FOXM1: variants seen among roughly 807,000 people sequenced by gnomAD.
FOXM1 encodes the protein forkhead box M1.
In FOXM1, 25 loss-of-function variants were observed where a neutral mutation model predicts 63.6. The observed-to-expected ratio is 0.39, with a 90% CI of 0.29 to 0.55. The LOEUF is 0.55. Ranked by LOEUF, FOXM1 falls within the 20% of genes least tolerant of loss-of-function variation. FOXM1 has a pLI of 0.60. For synonymous variants in FOXM1, 387 were observed against 376.9 expected (o/e 1.03, Z -0.31); for missense variants, 879 against 958.7 (o/e 0.92, Z 1.10).
Position 2,874,016 on chromosome 12 carries a change from G to T in FOXM1, c.463C>A (p.Pro155Thr). The T allele has an allele frequency of 6.2e-7, 1 of 1,614,068 alleles. No homozygotes were observed. Among genetic ancestry groups the T allele is most frequent in the South Asian group, 1.1e-5 (1 of 91,086 alleles). ...TTCTGCTCGCAAAGGGCTCCAGGTG[G>T]TCTAGGAAGATTCACATCCCTAGCT... The part of the protein sequence containing the change: ...PAARDVNLPR[P>T]PGALCEQKRE... The change falls in exon 2 of 9, where the codon CCA becomes ACA. Residue 155 changes from proline to threonine, a missense_variant. Around this residue, in one of 4 missense-constraint regions of FOXM1, gnomAD observed 255 missense variants for 292.4 expected, o/e 0.87. Coordinates refer to ENST00000359843, the MANE Select transcript of FOXM1 (RefSeq NM_021953.4). The surrounding 1 kb of genome is among the most constrained non-coding windows in gnomAD (Gnocchi z 4.3).
chr12:2,875,761 A>ATTTTTTTTT (rs568267379), intron 1 of FOXM1, among the ~76,000 whole-genome samples: 19 of 133,378 alleles, frequency 1.4e-4, no homozygotes, highest in African/African-American at 4.5e-4. Flanking sequence ...ATTTTTTTTA[A>ATTTTTTTTT]TTTTTTTTTT....
intron 8 of FOXM1, chr12:2,861,501 T>C (rs758866459): frequency 2.3e-6 from 1 of 427,556 alleles, no homozygotes; most frequent in Non-Finnish European, 4.0e-6. Context: ...TTGGCAGATA[T>C]TAAACAGACT....
In FOXM1 at chr12:2,859,110, GGCAGCGTTTCCTTAAT is replaced by G; in HGVS notation, c.1804_1819del (p.Ile602ProfsTer26). On this transcript the variant is annotated frameshift_variant, in exon 9 of 9. Coordinates refer to ENST00000359843, the MANE Select transcript of FOXM1 (RefSeq NM_021953.4). LOFTEE classifies it high-confidence loss of function. ...AGATTTGCTCGGGGTGGAGGAGATGGGCAGCGTTTCCTTAATGGGTGTCTTAAAAGGTCCTCCCACT... is the reference window on the plus strand; with the variant it reads ...AGATTTGCTCGGGGTGGAGGAGATGGGGGTGTCTTAAAAGGTCCTCCCACT... 1 of 1,605,986 alleles carries G rather than the reference GGCAGCGTTTCCTTAAT, an allele frequency of 6.2e-7. No individual in the cohort carries two copies. The highest frequency in any genetic ancestry group is 8.5e-7 in the Non-Finnish European group (1 of 1,177,004).
rs898762037 is a variant in FOXM1 at position 2,865,648 on chromosome 12, T to A, written c.976-249A>T. 3.6e-3 allele frequency among the ~76,000 whole-genome samples: 476 copies of A among 133,488 alleles called. 11 individuals carry two copies. Among genetic ancestry groups the A allele is most frequent in the African/African-American group, 0.013 (428 of 32,146 alleles). The allele number at this position is 133,488 out of a possible 152,430, so 87.6% of individuals were successfully genotyped here. Reference sequence around the variant, plus strand: ...GGTCTCCAGCCTAAGGCAGGCTTTTTTTTTTTTTTTTTTTTTTTTTTGAGA... The same window carrying A: ...GGTCTCCAGCCTAAGGCAGGCTTTTATTTTTTTTTTTTTTTTTTTTTGAGA... On this transcript the variant is annotated intron_variant, in intron 5 of 8. Transcript: ENST00000359843.
chr12:2,861,221 G>T, intron 8 of FOXM1: 1 of 645,522 alleles, frequency 1.5e-6, no homozygotes, highest in Non-Finnish European at 2.7e-6. Flanking sequence ...ATATAAAAAT[G>T]GGCAATGTTC....
chr12:2,873,224 CCT>C (rs1029751545), intron 2 of FOXM1, among the ~76,000 whole-genome samples: 15 of 151,836 alleles, frequency 9.9e-5, no homozygotes, highest in African/African-American at 2.4e-4. Flanking sequence ...ATGGCAAACC[CCT>C]GTCTCTACTA....
At chr12:2,862,860 A>T (rs947321546) in intron 8 of FOXM1, among the ~76,000 whole-genome samples, 2 of 151,068 alleles carry the variant, frequency 1.3e-5, no homozygotes, top group African/African-American at 2.4e-5. Flanking sequence ...TTTATATATT[A>T]AAAAAAAAGC....
intron 3 of FOXM1, among the ~76,000 whole-genome samples, chr12:2,870,957 C>CAAAAAAAAAAAAAAAAA (rs11310343): frequency 7.7e-5 from 3 of 39,126 alleles, no homozygotes; most frequent in African/African-American, 2.7e-4. Flanking sequence ...GACTACGTCT[C>CAAAAAAAAAAAAAAAAA]AAAAAAAAAA....
intron 4 of FOXM1, among the ~76,000 whole-genome samples, chr12:2,867,807 C>G (rs144775594): frequency 0.017 from 2,483 of 147,404 alleles, 60 homozygotes; most frequent in African/African-American, 0.058. Context: ...GAAACACTGT[C>G]TCTACTAAAA....
chr12:2,862,010 C>G (rs2098114431), intron 8 of FOXM1, among the ~76,000 whole-genome samples: 1 of 151,934 alleles, frequency 6.6e-6, no homozygotes, highest in African/African-American at 2.4e-5. Context: ...GAAACCCCAT[C>G]TCTACTAAAA....
At chr12:2,875,231 C>A (rs566023432) in intron 1 of FOXM1, among the ~76,000 whole-genome samples, 1 of 152,204 alleles carries the variant, frequency 6.6e-6, no homozygotes, top group East Asian at 1.9e-4. Context: ...GACCTCAGGT[C>A]ATCTGCCCGC....
Position 2,872,206 on chromosome 12 carries a change from A to C in FOXM1, c.544T>G (p.Ser182Ala). 1 of 1,614,202 alleles carries C rather than the reference A, an allele frequency of 6.2e-7. No individual in the cohort carries two copies. The highest frequency in any genetic ancestry group is 1.1e-5 in the South Asian group (1 of 91,088). Reference protein sequence around the residue: ...AAGCTINNSLSNIQWLRKMSS... With the variant: ...AAGCTINNSLANIQWLRKMSS... ...ATCTTTCGAAGCCACTGGATGTTGG[A>C]TAGGCTATTGTTGATAGTGCAGCCT... The change falls in exon 3 of 9, where the codon TCC becomes GCC. Residue 182 changes from serine to alanine, a missense_variant. Physicochemically the swap from Ser to Ala is moderately conservative, Grantham distance 99. Around this residue, in one of 4 missense-constraint regions of FOXM1, gnomAD observed 255 missense variants for 292.4 expected, o/e 0.87. Transcript: ENST00000359843. The surrounding 1 kb of genome is among the most constrained non-coding windows in gnomAD (Gnocchi z 4.0).
Position 2,864,523 on chromosome 12 carries a change from CA to C in FOXM1, c.1091-29del. The C allele has an allele frequency of 6.2e-7, 1 of 1,603,476 alleles. No homozygotes were observed. The highest frequency in any genetic ancestry group is 8.5e-7 in the Non-Finnish European group (1 of 1,172,170). On this transcript the variant is annotated intron_variant, in intron 7 of 8. Transcript: ENST00000359843. The surrounding 1 kb of genome is among the most constrained non-coding windows in gnomAD (Gnocchi z 5.1). Reference sequence around the variant, plus strand: ...AGGAGGAAACACGAGAGATCAGGAGCAGGGGGACTGGAGTACACCCCTTCTC... The same window carrying C: ...AGGAGGAAACACGAGAGATCAGGAGCGGGGGACTGGAGTACACCCCTTCTC...
rs28990712 is a variant in FOXM1, at chr12:2,864,890, G to A, written c.1021-138C>T. The A allele has an allele frequency of 6.3e-3, 5,682 of 897,942 alleles. 220 individuals carry two copies. In the African/African-American group the frequency reaches 0.082, roughly 13 times the overall value. 55.6% of individuals were successfully genotyped at this position (897,942 alleles called of 1,614,324 possible). A position where few individuals can be genotyped will look rare whatever the true frequency, so the allele number is the denominator to read the frequency against. On this transcript the variant is annotated intron_variant, in intron 6 of 8. Coordinates refer to ENST00000359843, the MANE Select transcript of FOXM1 (RefSeq NM_021953.4). This position sits in a 1 kb window ranked among gnomAD's most constrained non-coding sequence, Gnocchi z 5.1. The stretch of plus-strand genomic sequence containing the variant: ...CCCAGAGAGAGGAGGCCAACCTGAG[G>A]GGATGGACGTAGGCGAGCAGTCTCC...
chr12:2,863,010 G>A (rs1434679277), intron 8 of FOXM1, among the ~76,000 whole-genome samples: 6 of 152,056 alleles, frequency 3.9e-5, no homozygotes, highest in African/African-American at 1.4e-4. Flanking sequence ...TCTGATGGCT[G>A]ATCCAAGTTG....
In FOXM1 at chr12:2,866,675, C is replaced by T. The variant is rs568725395; in HGVS notation, c.847-154G>A. Among the ~76,000 whole-genome samples the T allele has an allele frequency of 5.3e-5, 8 of 152,336 alleles. No homozygotes were observed. In the South Asian group the frequency reaches 1.7e-3, roughly 32 times the overall value. On this transcript the variant is annotated intron_variant, in intron 4 of 8. Transcript: ENST00000359843. ...GCAGCCCTCTTGGCAACTCTCCTGA[C>T]ACTCCACACCGCAGAGCCGTCACCT...
rs769024368 is a variant in FOXM1, at chr12:2,858,740, G to A, written c.2190C>T (p.Ser730=). The A allele has an allele frequency of 6.2e-7, 1 of 1,614,202 alleles. No individual in the cohort carries two copies. Among genetic ancestry groups the A allele is most frequent in the Non-Finnish European group, 8.5e-7 (1 of 1,180,016 alleles). The part of the protein sequence containing the change: ...EGLVLDTMND[S]LSKILLDISF... ...TGATGTCCAGCAGGATCTTGCTGAG[G>A]CTGTCATTCATTGTGTCCAGGACCA... is the stretch of plus-strand genomic sequence containing the variant. Residue 730 remains serine, a synonymous_variant, in exon 9 of 9, where the codon AGC becomes AGT. Coordinates refer to ENST00000359843, the MANE Select transcript of FOXM1 (RefSeq NM_021953.4).
At position 2,859,069 on chromosome 12, in the gene FOXM1, G is replaced by T. The variant is rs758503889; in HGVS notation, c.1861C>A (p.Pro621Thr). 6.2e-7 allele frequency: 1 copy of T among 1,607,266 alleles called. No homozygotes were observed. The highest frequency in any genetic ancestry group is 1.1e-5 in the South Asian group (1 of 90,840). ...TPSKSVLPRT[P>T]ESWRLTPPAK... ...GGGGGCGTGAGCCTCCAGGATTCAG[G>T]GGTTCTGGGGAGGACAGATTTGCTC... Residue 621 changes from proline (P) to threonine (T), a missense_variant, in exon 9 of 9, where the codon CCT becomes ACT. By Grantham distance (38) the Pro-to-Thr change is conservative (BLOSUM62 -1). Transcript: ENST00000359843.
chr12:2,859,048 G>C lies in FOXM1; in HGVS notation c.1882C>G (p.Pro628Ala). 1.2e-6 allele frequency: 2 copies of C among 1,609,056 alleles called. No homozygotes were observed. Among genetic ancestry groups the C allele is most frequent in the Non-Finnish European group, 1.7e-6 (2 of 1,177,568 alleles). ...PRTPESWRLT[P>A]PAKVGGLDFS... Reference sequence around the variant, plus strand: ...TCCAGTCCCCCTACTTTGGCTGGGGGCGTGAGCCTCCAGGATTCAGGGGTT... The same window carrying C: ...TCCAGTCCCCCTACTTTGGCTGGGGCCGTGAGCCTCCAGGATTCAGGGGTT... The change falls in exon 9 of 9, where the codon CCC becomes GCC. Residue 628 changes from proline (P) to alanine (A), a missense_variant. Pro to Ala is a conservative substitution (Grantham distance 27). This residue lies in a region of FOXM1 where 486 missense variants were observed against 453.5 expected (regional missense o/e 1.07). Transcript: ENST00000359843.
Sources: allele counts gnomAD v4.1 joint callset (sites outside exome capture counted in the v4.1 genomes callset), GRCh38; gene constraint gnomAD v4.1.1; regional missense constraint gnomAD v4.1.1; non-coding constraint Gnocchi (gnomAD v3.1); transcripts MANE v1.5; gene names NCBI Gene and HGNC (gene_info 2026-07-23, HGNC 2026-07-21).